The following BACH2 variants were observed in gnomAD, a reference collection of about 807,000 sequenced individuals.
The protein encoded by BACH2 is BACH transcriptional regulator 2, also known as transcription regulator protein BACH2.
Under a neutral mutation model 61.8 loss-of-function variants are expected in BACH2, and 5 were observed. The ratio of observed to expected loss-of-function variants is 0.08; its 90% CI spans 0.04 to 0.17. The LOEUF is 0.17. BACH2 is among the 10% of genes least tolerant of loss of function. The pLI is 1.00. For synonymous variants in BACH2, 446 were observed against 440.1 expected, an observed-to-expected ratio of 1.01 and a Z score of -0.17; for missense variants, 824 against 1,091.1, an observed-to-expected ratio of 0.76 and a Z score of 3.45.
chr6:89,990,870 T>C (rs1487818691), intron 6 of BACH2, among the ~76,000 whole-genome samples: 1 of 152,222 alleles, frequency 6.6e-6, no homozygotes, highest in Admixed American at 6.5e-5. Flanking sequence ...TTTGTATCCC[T>C]AGTACCCGCA....
At chr6:90,038,501 GT>G (rs1208705794) in intron 5 of BACH2, among the ~76,000 whole-genome samples, 41 of 152,226 alleles carry the variant, frequency 2.7e-4, no homozygotes, top group African/African-American at 9.4e-4. Context: ...TCTAAAGATG[GT>G]TTGAAAAATA....
At chr6:90,144,058 T>C (rs1187413132) in intron 4 of BACH2, among the ~76,000 whole-genome samples, 2 of 152,238 alleles carry the variant, frequency 1.3e-5, no homozygotes, top group African/African-American at 2.4e-5. Context: ...TAAGTATTCG[T>C]TGGATGAATG....
intron 5 of BACH2, among the ~76,000 whole-genome samples, chr6:90,017,385 A>C (rs961234427): frequency 4.6e-5 from 7 of 151,928 alleles, no homozygotes; most frequent in South Asian, 4.2e-4. Flanking sequence ...ATACCCAGCT[A>C]ATTTTTTTGT....
At chr6:90,195,883 AC>A (rs1473039961) in intron 4 of BACH2, among the ~76,000 whole-genome samples, 2 of 152,226 alleles carry the variant, frequency 1.3e-5, no homozygotes, top group East Asian at 3.8e-4. Flanking sequence ...CTTCAAAGAA[AC>A]AAGCAACATA....
chr6:89,945,052 A>T (rs1773647292), intron 7 of BACH2, among the ~76,000 whole-genome samples: 1 of 152,218 alleles, frequency 6.6e-6, no homozygotes, highest in Non-Finnish European at 1.5e-5. Flanking sequence ...GAGAAACTGG[A>T]TCCTTGATAC....
chr6:90,073,083 TC>T (rs1316444261), intron 5 of BACH2, among the ~76,000 whole-genome samples: 1 of 152,238 alleles, frequency 6.6e-6, no homozygotes, highest in Non-Finnish European at 1.5e-5. Context: ...TCGCTCACAG[TC>T]ATCCATCTTC....
intron 6 of BACH2, among the ~76,000 whole-genome samples, chr6:89,983,480 C>T (rs1776067000): frequency 6.6e-6 from 1 of 152,110 alleles, no homozygotes; most frequent in Non-Finnish European, 1.5e-5. Flanking sequence ...ACCAGCCTGG[C>T]CAATGTGGTG....
intron 4 of BACH2, among the ~76,000 whole-genome samples, chr6:90,116,318 A>G (rs540964036): frequency 2.6e-5 from 4 of 152,244 alleles, no homozygotes; most frequent in Non-Finnish European, 5.9e-5. Context: ...AGCCATAAAA[A>G]AGAACAAGAT....
intron 5 of BACH2, among the ~76,000 whole-genome samples, chr6:90,032,404 T>A (rs1273969527): frequency 8.2e-6 from 1 of 121,532 alleles, no homozygotes; most frequent in Non-Finnish European, 1.6e-5. Context: ...GAAACTACCA[T>A]CAGAGTGAAC....
intron 3 of BACH2, among the ~76,000 whole-genome samples, chr6:90,246,991 C>T (rs536819643): frequency 2.0e-5 from 3 of 151,870 alleles, no homozygotes; most frequent in Admixed American, 6.6e-5. Flanking sequence ...ATACTTGTTA[C>T]GAATCAAGTT....
chr6:90,092,291 A>AAAAAAAAAAATATATATATAT, intron 4 of BACH2, among the ~76,000 whole-genome samples: 4 of 113,824 alleles, frequency 3.5e-5, no homozygotes, highest in East Asian at 4.8e-4. Context: ...AAAAAAAAAA[A>AAAAAAAAAAATATATATATAT]ATATATATAT....
chr6:90,079,699 C>T (rs1781638373), intron 5 of BACH2, among the ~76,000 whole-genome samples: 1 of 152,184 alleles, frequency 6.6e-6, no homozygotes, highest in African/African-American at 2.4e-5. Flanking sequence ...GCTTGCACTA[C>T]ATATTCTGAT....
intron 1 of BACH2, among the ~76,000 whole-genome samples, chr6:90,285,300 C>T (rs1771986687): frequency 3.3e-5 from 5 of 152,156 alleles, no homozygotes; most frequent in Admixed American, 3.3e-4. Flanking sequence ...GGGACTTCAG[C>T]CACATAAAAC....
intron 4 of BACH2, among the ~76,000 whole-genome samples, chr6:90,200,687 A>G (rs1437667437): frequency 6.6e-6 from 1 of 152,168 alleles, no homozygotes; most frequent in African/African-American, 2.4e-5. Context: ...AAAATACCAA[A>G]AAGTATTTTT....
chr6:90,238,613 G>A (rs1274170637), intron 3 of BACH2, among the ~76,000 whole-genome samples: 1 of 152,178 alleles, frequency 6.6e-6, no homozygotes, highest in African/African-American at 2.4e-5. Context: ...GCATAAAACA[G>A]GCTGGGACAC....
At chr6:89,970,196 G>C (rs917336258) in intron 6 of BACH2, among the ~76,000 whole-genome samples, 3 of 152,378 alleles carry the variant, frequency 2.0e-5, no homozygotes, top group Middle Eastern at 3.4e-3. Flanking sequence ...GCCCTGTGAA[G>C]TACAGGCCAC....
intron 4 of BACH2, among the ~76,000 whole-genome samples, chr6:90,100,901 C>T (rs1010487693): frequency 1.3e-5 from 2 of 152,166 alleles, no homozygotes; most frequent in African/African-American, 4.8e-5. Context: ...TTCTCCACAT[C>T]CTCACCAACA....
intron 5 of BACH2, among the ~76,000 whole-genome samples, chr6:90,086,789 G>A (rs2127806846): frequency 6.6e-6 from 1 of 152,286 alleles, no homozygotes; most frequent in South Asian, 2.1e-4. Context: ...GGGCGCTAAG[G>A]GGCATTTGAT....
At position 90,089,092 on chromosome 6, in the gene BACH2, A is replaced by G. The variant is rs1368271780; in HGVS notation, c.-144T>C. ...AAGTTTTGTGGGGCAACCTTGTGAC[A>G]GGTCAGTGAGTGTCCACCTAATTGG... On this transcript the variant is annotated 5_prime_UTR_variant, in exon 5 of 9. Coordinates refer to ENST00000257749, the MANE Select transcript of BACH2 (RefSeq NM_021813.4). 6.6e-6 allele frequency: 1 copy of G among 152,290 alleles called. No homozygotes were observed. The highest frequency in any genetic ancestry group is 2.4e-5 in the African/African-American group (1 of 41,432). 9.4% of individuals were successfully genotyped at this position (152,290 alleles called of 1,614,324 possible). A position where few individuals can be genotyped will look rare whatever the true frequency, so the allele number is the denominator to read the frequency against.
Sources: gnomAD v4.1 joint callset for allele counts (sites outside exome capture counted in the v4.1 genomes callset) on GRCh38, gnomAD v4.1.1 for gene constraint, MANE v1.5 for transcripts, NCBI Gene and HGNC (gene_info 2026-07-23, HGNC 2026-07-21) for gene names.